The following NRG4 variants were observed in gnomAD, a reference collection of about 807,000 sequenced individuals.
NRG4 encodes the protein neuregulin 4, also known as pro-neuregulin-4, membrane-bound isoform.
Under a neutral mutation model 15.0 loss-of-function variants are expected in NRG4, and 10 were observed. The observed-to-expected ratio is 0.67, with a 90% CI of 0.41 to 1.13. NRG4 has a LOEUF of 1.13. Ranked by LOEUF, NRG4 falls within the 50% of genes most tolerant of loss-of-function variation. NRG4 has a pLI of 0.00. For missense variants in NRG4, 139 were observed against 140.2 expected (o/e 0.99, Z 0.04); for synonymous variants, 41 against 50.1 (o/e 0.82, Z 0.77).
intron 5 of NRG4, among the ~76,000 whole-genome samples, chr15:76,018,406 G>A (rs960695225): frequency 4.6e-5 from 7 of 152,102 alleles, no homozygotes; most frequent in African/African-American, 7.2e-5. Context: ...TAGAAGAGGC[G>A]TTCTGGGTTT....
At chr15:76,052,707 A>C (rs945008075) in intron 3 of NRG4, among the ~76,000 whole-genome samples, 1 of 151,062 alleles carries the variant, frequency 6.6e-6, no homozygotes, top group Admixed American at 6.6e-5. Flanking sequence ...TAATTTTCCC[A>C]AAGAGCTTTT....
chr15:75,964,903 CAG>C lies in NRG4; in HGVS notation c.105-2931_105-2930del, dbSNP rs1321803108. On this transcript the variant is annotated intron_variant, in intron 3 of 5. Transcript: ENST00000394907. ...CACCACTGCACTCCAGCTAGAGCAA[CAG>C]AGTGAGAGGCTATTCCAAATAAAAA... 2.6e-5 allele frequency among the ~76,000 whole-genome samples: 4 copies of C among 151,678 alleles called. No individual in the cohort carries two copies. The East Asian group carries it at 5.8e-4, about 22-fold the overall frequency.
chr15:76,001,357 T>C (rs1371195801), intron 3 of NRG4, among the ~76,000 whole-genome samples: 3 of 152,202 alleles, frequency 2.0e-5, no homozygotes, highest in Non-Finnish European at 1.5e-5. Context: ...TAGTAATATA[T>C]TTTCACTTCA....
intron 3 of NRG4, among the ~76,000 whole-genome samples, chr15:75,979,665 T>C (rs1356407902): frequency 2.0e-5 from 3 of 152,158 alleles, no homozygotes; most frequent in Non-Finnish European, 1.5e-5. Flanking sequence ...CCAACTATGA[T>C]ACATTTTATT....
chr15:75,989,630 T>G (rs1329028816), intron 3 of NRG4, among the ~76,000 whole-genome samples: 1 of 152,242 alleles, frequency 6.6e-6, no homozygotes, highest in Admixed American at 6.5e-5. Flanking sequence ...AGATATTTCA[T>G]TTTTCAGCTT....
At chr15:76,021,322 C>T (rs1416205726) in intron 5 of NRG4, among the ~76,000 whole-genome samples, 1 of 152,202 alleles carries the variant, frequency 6.6e-6, no homozygotes, top group Non-Finnish European at 1.5e-5. Context: ...TGTTTGTCAG[C>T]ATTTTTTAAC....
At chr15:75,954,449 A>G (rs2032107402) in intron 5 of NRG4, among the ~76,000 whole-genome samples, 3 of 97,974 alleles carry the variant, frequency 3.1e-5, no homozygotes, top group African/African-American at 1.2e-4. Flanking sequence ...TTTTTTTTTG[A>G]GACGGAATCT....
intron 3 of NRG4, among the ~76,000 whole-genome samples, chr15:75,999,077 A>C (rs2034311840): frequency 6.6e-6 from 1 of 152,232 alleles, no homozygotes; most frequent in Non-Finnish European, 1.5e-5. Context: ...GGAGTCCAGT[A>C]AGAATTAATA....
chr15:76,039,035 A>G (rs2035665538), intron 4 of NRG4, among the ~76,000 whole-genome samples: 1 of 152,236 alleles, frequency 6.6e-6, no homozygotes, highest in Non-Finnish European at 1.5e-5. Flanking sequence ...GTCTGCAAGA[A>G]CCACAGCATT....
At chr15:76,044,317 T>C (rs1316491470) in intron 4 of NRG4, among the ~76,000 whole-genome samples, 2 of 147,586 alleles carry the variant, frequency 1.4e-5, no homozygotes, top group African/African-American at 5.2e-5. Flanking sequence ...AACTCATTTT[T>C]GACAAAGGTG....
Position 75,941,135 on chromosome 15 carries a change from G to C in NRG4, c.*2503C>G, listed in dbSNP as rs1201962098. 6.6e-6 allele frequency: 1 copy of C among 152,134 alleles called. No individual in the cohort carries two copies. Among genetic ancestry groups the C allele is most frequent in the Non-Finnish European group, 1.5e-5 (1 of 67,974 alleles). 9.4% of individuals were successfully genotyped at this position (152,134 alleles called of 1,614,324 possible). A position where few individuals can be genotyped will look rare whatever the true frequency, so the allele number is the denominator to read the frequency against. On this transcript the variant is annotated 3_prime_UTR_variant, in exon 6 of 6. Coordinates refer to ENST00000394907, the MANE Select transcript of NRG4 (RefSeq NM_138573.4). The stretch of plus-strand genomic sequence containing the variant: ...TAAAAAATGGCAAAGGATTTGGATA[G>C]ATCTCCAGAGAGGACATGCAGATAG...
upstream of NRG4, among the ~76,000 whole-genome samples, chr15:76,014,344 T>C (rs2034909628): frequency 2.0e-5 from 3 of 152,218 alleles, no homozygotes. Context: ...GCTCTTTGGT[T>C]TAATTAGATC....
intron 4 of NRG4, among the ~76,000 whole-genome samples, chr15:76,040,404 C>T (rs2035705334): frequency 6.6e-6 from 1 of 152,108 alleles, no homozygotes; most frequent in Non-Finnish European, 1.5e-5. Flanking sequence ...AACATCAGAC[C>T]TGTCCTACAA....
At chr15:76,037,862 G>A (rs561587052) in intron 4 of NRG4, among the ~76,000 whole-genome samples, 9 of 152,266 alleles carry the variant, frequency 5.9e-5, no homozygotes, top group Admixed American at 5.9e-4. Flanking sequence ...GGAGAGAAGA[G>A]GGAAGAGTAA....
intron 3 of NRG4, among the ~76,000 whole-genome samples, chr15:75,995,197 C>CA (rs781740800): frequency 0.039 from 5,458 of 139,812 alleles, 163 homozygotes; most frequent in African/African-American, 0.085. Flanking sequence ...GACCCTGTCT[C>CA]AAAAAAAAAA....
intron 5 of NRG4, among the ~76,000 whole-genome samples, chr15:76,025,863 T>C (rs906357398): frequency 2.0e-5 from 3 of 150,658 alleles, no homozygotes; most frequent in Non-Finnish European, 4.4e-5. Context: ...AGTGACAGAG[T>C]GAGACTTTGT....
chr15:75,950,080 A>G (rs2031786889), intron 5 of NRG4, among the ~76,000 whole-genome samples: 1 of 152,182 alleles, frequency 6.6e-6, no homozygotes, highest in Admixed American at 6.5e-5. Context: ...ACCTTACAAT[A>G]TTGAATCTTC....
intron 5 of NRG4, among the ~76,000 whole-genome samples, chr15:75,944,766 T>TGG (rs1444983063): frequency 6.8e-6 from 1 of 147,880 alleles, no homozygotes; most frequent in African/African-American, 2.5e-5. Context: ...TGTGTGTGTG[T>TGG]GTGGGGGGGT....
In NRG4 at chr15:75,942,248, A is replaced by G. The variant is rs529247646; in HGVS notation, c.*1390T>C. On this transcript the variant is annotated 3_prime_UTR_variant, in exon 6 of 6. Coordinates refer to ENST00000394907, the MANE Select transcript of NRG4 (RefSeq NM_138573.4). ...TATAATAGTGGATACATGACATTATATATTGGTCAAAATCCATAAAGACAT... is the reference window on the plus strand; with the variant it reads ...TATAATAGTGGATACATGACATTATGTATTGGTCAAAATCCATAAAGACAT... The G allele has an allele frequency of 1.3e-5, 2 of 152,292 alleles. No individual in the cohort carries two copies. Among genetic ancestry groups the G allele is most frequent in the South Asian group, 2.1e-4 (1 of 4,830 alleles). 9.4% of individuals were successfully genotyped at this position (152,292 alleles called of 1,614,324 possible). A position where few individuals can be genotyped will look rare whatever the true frequency, so the allele number is the denominator to read the frequency against.
Sources: allele counts gnomAD v4.1 joint callset (sites outside exome capture counted in the v4.1 genomes callset), GRCh38; gene constraint gnomAD v4.1.1; transcripts MANE v1.5; gene names NCBI Gene and HGNC (gene_info 2026-07-23, HGNC 2026-07-21).